BACE2: variants seen among roughly 807,000 people sequenced by gnomAD.
The protein encoded by BACE2 is 56 kDa aspartic-like protease.
In BACE2, 17 loss-of-function variants were observed where a neutral mutation model predicts 46.2. That is an observed-to-expected ratio of 0.37 (90% CI 0.25 to 0.55). The LOEUF (loss-of-function observed/expected upper bound fraction) is 0.55, where lower values mean the gene tolerates loss of function less well. BACE2 is among the 20% of genes least tolerant of loss of function. The pLI is 0.82. For missense variants in BACE2, 595 were observed against 698.1 expected (o/e 0.85, Z 1.66); for synonymous variants, 277 against 295.9 (o/e 0.94, Z 0.66).
At chr21:41,170,661 A>T (rs1438904840) in intron 1 of BACE2, among the ~76,000 whole-genome samples, 1 of 152,212 alleles carries the variant, frequency 6.6e-6, no homozygotes, top group Non-Finnish European at 1.5e-5. Context: ...CTGAACCTGG[A>T]GTGAGCTTTC....
chr21:41,202,769 T>G (rs4818222), intron 1 of BACE2, among the ~76,000 whole-genome samples: 25,687 of 152,054 alleles, frequency 0.17, 2,385 homozygotes, highest in African/African-American at 0.25. Context: ...GACCAATCGG[T>G]GCTCCCCAGA....
rs2088534397 is a variant in BACE2, at chr21:41,280,419, G to C, written c.*4795G>C. The C allele has an allele frequency of 6.6e-6, 1 of 152,272 alleles. No individual in the cohort carries two copies. Among genetic ancestry groups the C allele is most frequent in the African/African-American group, 2.4e-5 (1 of 41,446 alleles). The allele number at this position is 152,272 out of a possible 1,614,324, so 9.4% of individuals were successfully genotyped here. On this transcript the variant is annotated 3_prime_UTR_variant, in exon 9 of 9. Transcript: ENST00000330333. ...TCTGTCAGAGACTTCCAGGAAAGGAGCTCCCTCCTGTCTCACTGCTGTCAG... is the reference window on the plus strand; with the variant it reads ...TCTGTCAGAGACTTCCAGGAAAGGACCTCCCTCCTGTCTCACTGCTGTCAG...
At chr21:41,208,461 G>A (rs763924314) in intron 1 of BACE2, among the ~76,000 whole-genome samples, 13 of 152,194 alleles carry the variant, frequency 8.5e-5, no homozygotes, top group Non-Finnish European at 1.5e-4. Context: ...GGGAAGAGAG[G>A]AGAGAGGACT....
At chr21:41,232,687 T>TC (rs1986999475) in intron 2 of BACE2, among the ~76,000 whole-genome samples, 1 of 152,002 alleles carries the variant, frequency 6.6e-6, no homozygotes, top group South Asian at 2.1e-4. Flanking sequence ...ATGTACTGTG[T>TC]CCCCCTTCGC....
Position 41,261,504 on chromosome 21 carries a change from G to T in BACE2, c.1303+4178G>T, listed in dbSNP as rs186123846. On this transcript the variant is annotated intron_variant, in intron 8 of 8. Transcript: ENST00000330333. ...ATTTCTGAGGTATTAGTTTTTCTGA[G>T]TTATACTATCTAGTCTCCCTGACTT... Among the ~76,000 whole-genome samples, 3 of 152,108 alleles carry T rather than the reference G, an allele frequency of 2.0e-5. No homozygotes were observed. The East Asian group carries it at 5.8e-4, about 29-fold the overall frequency.
chr21:41,250,964 G>GACATCTAAT, intron 7 of BACE2, 63 bp downstream of exon 7: 1 of 1,491,362 alleles, frequency 6.7e-7, no homozygotes, highest in Non-Finnish European at 9.2e-7. Flanking sequence ...CTCCATGCAT[G>GACATCTAAT]ACACGTGTAT....
At chr21:41,259,250 T>C (rs998729935) in intron 8 of BACE2, among the ~76,000 whole-genome samples, 7 of 152,214 alleles carry the variant, frequency 4.6e-5, no homozygotes, top group Non-Finnish European at 2.9e-5. Context: ...TGTTCCTTTT[T>C]TAAAAATGTA....
Position 41,168,244 on chromosome 21 carries a change from C to G in BACE2, c.-20C>G. ...CGGGACCGGCTAGGCTGGGCGCGCC[C>G]CCCGGGCCCCGCCGTGGGCATGGGC... On this transcript the variant is annotated 5_prime_UTR_variant, in exon 1 of 9. Coordinates refer to ENST00000330333, the MANE Select transcript of BACE2 (RefSeq NM_012105.5). The G allele has an allele frequency of 8.7e-7, 1 of 1,149,248 alleles. No homozygotes were observed. The highest frequency in any genetic ancestry group is 1.1e-6 in the Non-Finnish European group (1 of 935,642). 71.2% of individuals were successfully genotyped at this position (1,149,248 alleles called of 1,614,324 possible).
chr21:41,218,033 A>G (rs1986527949), intron 1 of BACE2, among the ~76,000 whole-genome samples: 1 of 152,208 alleles, frequency 6.6e-6, no homozygotes, highest in South Asian at 2.1e-4. Flanking sequence ...TCTCATGCCA[A>G]CCAGTTTGTG....
intron 2 of BACE2, among the ~76,000 whole-genome samples, chr21:41,235,110 G>A (rs762525529): frequency 6.6e-6 from 1 of 152,142 alleles, no homozygotes; most frequent in Non-Finnish European, 1.5e-5. Flanking sequence ...TAAAAATAAT[G>A]CATGCAAACA....
chr21:41,264,594 G>A (rs955418226), intron 8 of BACE2, among the ~76,000 whole-genome samples: 2 of 152,116 alleles, frequency 1.3e-5, no homozygotes, highest in Non-Finnish European at 2.9e-5. Context: ...GCAAGGGAGA[G>A]AGAGAGAGAG....
intron 7 of BACE2, among the ~76,000 whole-genome samples, chr21:41,253,167 C>T (rs747317891): frequency 5.9e-5 from 9 of 152,054 alleles, no homozygotes; most frequent in Admixed American, 1.3e-4. Context: ...CTTGGCCGGG[C>T]GCAGTGGCTC....
chr21:41,234,667 C>G (rs898216640), intron 2 of BACE2, among the ~76,000 whole-genome samples: 3 of 152,204 alleles, frequency 2.0e-5, no homozygotes, highest in African/African-American at 7.2e-5. Flanking sequence ...CCCAAATTGT[C>G]AAAATGGACT....
At chr21:41,213,607 TACTAAAA>T (rs1490848164) in intron 1 of BACE2, among the ~76,000 whole-genome samples, 10 of 152,230 alleles carry the variant, frequency 6.6e-5, no homozygotes, top group African/African-American at 2.4e-4. Context: ...ACCCCGTCTC[TACTAAAA>T]TACAAAAAAA....
At chr21:41,191,231 G>A (rs139203779) in intron 1 of BACE2, among the ~76,000 whole-genome samples, 32 of 152,296 alleles carry the variant, frequency 2.1e-4, no homozygotes, top group Non-Finnish European at 4.4e-4. Context: ...CATTGTAATT[G>A]TGACTTTAAA....
chr21:41,255,611 G>A (rs1350266404), intron 7 of BACE2, among the ~76,000 whole-genome samples: 1 of 152,202 alleles, frequency 6.6e-6, no homozygotes, highest in East Asian at 1.9e-4. Flanking sequence ...AGCCTCGAGG[G>A]AGCAGGGACT....
chr21:41,237,460 AAAAAT>A (rs562631315), intron 2 of BACE2, 48 bp from the exon 3 acceptor site: 1 of 1,285,892 alleles, frequency 7.8e-7, no homozygotes, highest in African/African-American at 1.5e-5. Context: ...ATAAATAAAT[AAAAAT>A]AAAATAAAAT....
Position 41,170,696 on chromosome 21 carries a change from A to G in BACE2, c.312+2121A>G, listed in dbSNP as rs907039041. Among the ~76,000 whole-genome samples, 7 of 152,372 alleles carry G rather than the reference A, an allele frequency of 4.6e-5. No homozygotes were observed. The East Asian group carries it at 1.3e-3, about 29-fold the overall frequency. ...CCTGCTCTATTAATGGCCAGGAGTC[A>G]TGCATTTATTCTCTGCTGATTCTCT... On this transcript the variant is annotated intron_variant, in intron 1 of 8. Coordinates refer to ENST00000330333, the MANE Select transcript of BACE2 (RefSeq NM_012105.5).
chr21:41,238,907 A>C (rs1367683249), intron 3 of BACE2, among the ~76,000 whole-genome samples: 4 of 149,804 alleles, frequency 2.7e-5, no homozygotes, highest in African/African-American at 4.9e-5. Context: ...TACATATGTA[A>C]CTAACCTGCA....
Sources: gnomAD v4.1 joint callset for allele counts (sites outside exome capture counted in the v4.1 genomes callset) on GRCh38, gnomAD v4.1.1 for gene constraint, MANE v1.5 for transcripts, NCBI Gene and HGNC (gene_info 2026-07-23, HGNC 2026-07-21) for gene names.